The following ODR4 variants were observed in gnomAD, a reference collection of about 807,000 sequenced individuals.
The protein encoded by ODR4 is protein odr-4 homolog.
Under a neutral mutation model 60.2 loss-of-function variants are expected in ODR4, and 47 were observed. That is an observed-to-expected ratio of 0.78 (90% CI 0.62 to 1.00). The LOEUF (loss-of-function observed/expected upper bound fraction) is 1.00. Ranked by LOEUF, ODR4 falls within the 50% of genes least tolerant of loss-of-function variation. The pLI is 0.00. For synonymous variants in ODR4, 178 were observed against 175.5 expected (o/e 1.01, Z -0.11); for missense variants, 488 against 530.8 (o/e 0.92, Z 0.79).
intron 7 of ODR4, 41 bp downstream of exon 7, chr1:186,390,892 G>T: frequency 6.4e-7 from 1 of 1,557,960 alleles, no homozygotes; most frequent in Non-Finnish European, 8.8e-7. Flanking sequence ...ATTGCTGAGT[G>T]AACAATCTGC....
At chr1:186,423,165 T>C (rs765894167), downstream of ODR4, among the ~76,000 whole-genome samples, 1 of 152,106 alleles carries the variant, frequency 6.6e-6, no homozygotes, top group Non-Finnish European at 1.5e-5. Context: ...GCACAGGTCT[T>C]TCAAGGGGGG....
intron 13 of ODR4, among the ~76,000 whole-genome samples, chr1:186,418,700 C>T (rs1661678487): frequency 6.6e-6 from 1 of 152,102 alleles, no homozygotes; most frequent in Admixed American, 6.6e-5. Flanking sequence ...AGCTGGTATG[C>T]CAATATAAAT....
rs746669307 is a variant in ODR4 at position 186,389,641 on chromosome 1, T to G, written c.474+17T>G. The G allele has an allele frequency of 2.5e-5, 37 of 1,461,072 alleles. No individual in the cohort carries two copies. The highest frequency in any genetic ancestry group is 1.8e-5 in the Non-Finnish European group (19 of 1,078,952). The allele number at this position is 1,461,072 out of a possible 1,614,324, so 90.5% of individuals were successfully genotyped here. ...GATCCAAAGGTAAGAAATTTACTCT[T>G]TAAAGATTTTTCTGTGTCACAAAGT... On this transcript the variant is annotated intron_variant, in intron 6 of 13. Coordinates refer to ENST00000287859, the MANE Select transcript of ODR4 (RefSeq NM_017847.6).
chr1:186,408,808 A>G lies in ODR4; in HGVS notation c.1186+2540A>G, dbSNP rs142996469. ...TAGCACTGTATGCAAAACTTGCCCC[A>G]TTCACAAGTTACTTTAAAAGTCAGA... On this transcript the variant is annotated intron_variant, in intron 12 of 13. Coordinates refer to ENST00000287859, the MANE Select transcript of ODR4 (RefSeq NM_017847.6). Among the ~76,000 whole-genome samples the G allele has an allele frequency of 4.2e-3, 634 of 151,962 alleles. 9 individuals carry two copies. The highest frequency in any genetic ancestry group is 0.014 in the African/African-American group (590 of 41,516).
In ODR4 at chr1:186,418,391, C is replaced by T. The variant is rs545503839; in HGVS notation, c.1298-618C>T. Among the ~76,000 whole-genome samples the T allele has an allele frequency of 1.3e-3, 202 of 151,186 alleles. 1 individual carries two copies. The Middle Eastern group carries it at 0.014, about 10-fold the overall frequency. ...CTGCAAGCTCCGCTTCCCGGGTTCACGCCATTCTCCTGCCTCAGCCTCCCG... is the reference window on the plus strand; with the variant it reads ...CTGCAAGCTCCGCTTCCCGGGTTCATGCCATTCTCCTGCCTCAGCCTCCCG... On this transcript the variant is annotated intron_variant, in intron 13 of 13. Coordinates refer to ENST00000287859, the MANE Select transcript of ODR4 (RefSeq NM_017847.6).
At chr1:186,414,807 A>G (rs1558098511) in intron 12 of ODR4, among the ~76,000 whole-genome samples, 1 of 152,186 alleles carries the variant, frequency 6.6e-6, no homozygotes, top group Non-Finnish European at 1.5e-5. Flanking sequence ...AGCGTGAGCC[A>G]CTACGTCCGG....
At position 186,398,524 on chromosome 1, in the gene ODR4, T is replaced by G. The variant is rs569017982; in HGVS notation, c.909+83T>G. 8.4e-6 allele frequency: 11 copies of G among 1,312,718 alleles called. No homozygotes were observed. The East Asian group carries it at 3.1e-4, about 37-fold the overall frequency. The allele number at this position is 1,312,718 out of a possible 1,614,324, so 81.3% of individuals were successfully genotyped here. A position where few individuals can be genotyped will look rare whatever the true frequency, so the allele number is the denominator to read the frequency against. ...ATTTTACCATTTTTTAATCTTATAT[T>G]TTGTAATTATTAATTCGATTTTAAC... On this transcript the variant is annotated intron_variant, in intron 10 of 13. Coordinates refer to ENST00000287859, the MANE Select transcript of ODR4 (RefSeq NM_017847.6).
At chr1:186,414,570 A>G (rs891943384) in intron 12 of ODR4, among the ~76,000 whole-genome samples, 1 of 148,340 alleles carries the variant, frequency 6.7e-6, no homozygotes, top group Non-Finnish European at 1.5e-5. Flanking sequence ...CCCAGGCTGG[A>G]GTGCACTGGC....
At chr1:186,393,141 G>A (rs1021325597) in intron 8 of ODR4, among the ~76,000 whole-genome samples, 4 of 152,160 alleles carry the variant, frequency 2.6e-5, no homozygotes, top group African/African-American at 9.7e-5. Flanking sequence ...ACTAAAAGGA[G>A]GGAGAAGGAG....
At chr1:186,415,602 C>T (rs752709241) in intron 12 of ODR4, among the ~76,000 whole-genome samples, 3 of 152,164 alleles carry the variant, frequency 2.0e-5, no homozygotes, top group Admixed American at 1.3e-4. Context: ...AGGAGTCCTC[C>T]CTCCCAGCTT....
chr1:186,378,039 C>A (rs148334693), intron 1 of ODR4, among the ~76,000 whole-genome samples: 4 of 122,924 alleles, frequency 3.3e-5, no homozygotes, highest in Non-Finnish European at 7.1e-5. Context: ...AGCAAGACTC[C>A]ATCTCAAAAA....
chr1:186,390,192 T>G (rs937897937), intron 6 of ODR4, among the ~76,000 whole-genome samples: 5 of 152,200 alleles, frequency 3.3e-5, no homozygotes, highest in African/African-American at 9.6e-5. Context: ...AGGCTGGTAG[T>G]AAAAGTGACT....
chr1:186,404,190 T>C (rs1164301636), intron 11 of ODR4, among the ~76,000 whole-genome samples: 2 of 152,350 alleles, frequency 1.3e-5, no homozygotes, highest in African/African-American at 4.8e-5. Flanking sequence ...CTAGATACTA[T>C]GACATGAGGA....
chr1:186,399,143 C>G (rs901732408), intron 11 of ODR4, 99 bp downstream of exon 11: 1 of 780,666 alleles, frequency 1.3e-6, no homozygotes, highest in African/African-American at 1.7e-5. Flanking sequence ...AGCTACCTAT[C>G]TATATTTTCA....
intron 3 of ODR4, among the ~76,000 whole-genome samples, chr1:186,383,678 G>GAGATATATATATATATAT (rs141878801): frequency 2.1e-5 from 3 of 140,726 alleles, no homozygotes; most frequent in Non-Finnish European, 4.7e-5. Flanking sequence ...TGTGTATGTA[G>GAGATATATATATATATAT]ATATATATAT....
intron 11 of ODR4, among the ~76,000 whole-genome samples, chr1:186,404,021 TA>T (rs939155722): frequency 2.6e-5 from 4 of 151,688 alleles, no homozygotes; most frequent in Admixed American, 6.6e-5. Flanking sequence ...TCACCTATTC[TA>T]AAAAAAAATT....
chr1:186,382,508 A>C (rs1427684474), intron 2 of ODR4, among the ~76,000 whole-genome samples: 1 of 152,144 alleles, frequency 6.6e-6, no homozygotes, highest in East Asian at 1.9e-4. Context: ...AATCTGTATC[A>C]CTTTAAATTG....
At chr1:186,423,474 A>T (rs971442531), downstream of ODR4, among the ~76,000 whole-genome samples, 8 of 59,458 alleles carry the variant, frequency 1.3e-4, no homozygotes, top group Admixed American at 4.8e-4. Flanking sequence ...TTTTTTTTTA[A>T]GATGGAGTCT....
At chr1:186,399,483 A>G (rs1234929565) in intron 11 of ODR4, among the ~76,000 whole-genome samples, 1 of 152,072 alleles carries the variant, frequency 6.6e-6, no homozygotes, top group Non-Finnish European at 1.5e-5. Flanking sequence ...TGCTGGGATT[A>G]CAGGTGTGAG....
Sources: allele counts gnomAD v4.1 joint callset (sites outside exome capture counted in the v4.1 genomes callset), GRCh38; gene constraint gnomAD v4.1.1; transcripts MANE v1.5; gene names NCBI Gene and HGNC (gene_info 2026-07-23, HGNC 2026-07-21).